Variants in WFS1 observed in about 807,000 individuals in gnomAD.
WFS1 encodes wolframin.
A neutral mutation model predicts 68.5 loss-of-function variants in WFS1; 90 were observed. That is an observed-to-expected ratio of 1.31 (90% confidence interval 1.11 to 1.56). The LOEUF is 1.56. Ranked by LOEUF, WFS1 falls within the 40% of genes most tolerant of loss-of-function variation. WFS1 has a pLI of 0.00. For missense variants in WFS1, 1,767 were observed against 1,232.6 expected (o/e 1.43, Z -6.49); for synonymous variants, 860 against 540.7 (o/e 1.59, Z -8.19).
At chr4:6,272,203 C>T (rs903962913) in intron 1 of WFS1, among the ~76,000 whole-genome samples, 1 of 152,210 alleles carries the variant, frequency 6.6e-6, no homozygotes, top group African/African-American at 2.4e-5. Context: ...AATGCTGGCC[C>T]TGGACAAGAC....
chr4:6,287,528 G>A lies in WFS1; in HGVS notation c.315+353G>A, dbSNP rs1469843083. 1.3e-5 allele frequency among the ~76,000 whole-genome samples: 2 copies of A among 152,196 alleles called. No individual in the cohort carries two copies. The highest frequency in any genetic ancestry group is 2.9e-5 in the Non-Finnish European group (2 of 68,040). On this transcript the variant is annotated intron_variant, in intron 3 of 7. Coordinates refer to ENST00000226760, the MANE Select transcript of WFS1 (RefSeq NM_006005.3). The surrounding 1 kb of genome is among the most constrained non-coding windows in gnomAD (Gnocchi z 6.4). ...GCTGCCCACTCTTGTCTCCCTGACT[G>A]GCCTTTCACCTGGCTGTTAGCTGTG...
intron 2 of WFS1, among the ~76,000 whole-genome samples, chr4:6,285,483 C>T (rs924719449): frequency 1.3e-5 from 2 of 152,168 alleles, no homozygotes; most frequent in Non-Finnish European, 2.9e-5. Context: ...TGCCTGACCA[C>T]GAGAGCTTGT....
intron 1 of WFS1, among the ~76,000 whole-genome samples, 168 bp downstream of exon 1, chr4:6,270,182 G>T (rs1330812907): frequency 6.6e-6 from 1 of 152,094 alleles, no homozygotes; most frequent in Admixed American, 6.5e-5. Context: ...AGGGCCGGGG[G>T]TCCCGCCCGC....
At chr4:6,292,095 C>A in intron 6 of WFS1, 98 bp downstream of exon 6, 1 of 1,293,562 alleles carries the variant, frequency 7.7e-7, no homozygotes, top group Non-Finnish European at 1.1e-6. Flanking sequence ...CCTGCCCTAT[C>A]TCACCCGTGC....
At chr4:6,290,690 G>A (rs1394434877) in intron 4 of WFS1, among the ~76,000 whole-genome samples, 1 of 152,162 alleles carries the variant, frequency 6.6e-6, no homozygotes, top group Non-Finnish European at 1.5e-5. Context: ...CTGACCAGCG[G>A]TAAAACCTGC....
intron 7 of WFS1, among the ~76,000 whole-genome samples, chr4:6,296,648 C>T (rs4481292): frequency 0.6 from 90,528 of 152,074 alleles, 27,703 homozygotes; most frequent in East Asian, 0.93. Context: ...CACAGGTGAA[C>T]GGGTTAACTT....
rs1485877605 is a variant in WFS1 at position 6,277,700 on chromosome 4, G to A, written c.232+13G>A. 1.9e-6 allele frequency: 3 copies of A among 1,552,474 alleles called. No homozygotes were observed. The highest frequency in any genetic ancestry group is 2.6e-6 in the Non-Finnish European group (3 of 1,148,972). Reference sequence around the variant, plus strand: ...GCAGACGGCACCGGTAAGGGAGCAGGCTGGGAAGCCCAGGCTGGGGATGTT... The same window carrying A: ...GCAGACGGCACCGGTAAGGGAGCAGACTGGGAAGCCCAGGCTGGGGATGTT... On this transcript the variant is annotated intron_variant, in intron 2 of 7. Coordinates refer to ENST00000226760, the MANE Select transcript of WFS1 (RefSeq NM_006005.3).
chr4:6,302,416 C>G lies in WFS1; in HGVS notation c.2621C>G (p.Ala874Gly), dbSNP rs201776585. 2 of 1,613,226 alleles carry G rather than the reference C, an allele frequency of 1.2e-6. No individual in the cohort carries two copies. The highest frequency in any genetic ancestry group is 1.7e-6 in the Non-Finnish European group (2 of 1,180,044). ...GACTGGCGCAGCACCGTGCATGGCGCCGTGAAGTTCGCCTTCGACTTCTTT... is the reference window on the plus strand; with the variant it reads ...GACTGGCGCAGCACCGTGCATGGCGGCGTGAAGTTCGCCTTCGACTTCTTT... ...EHDWRSTVHGAVKFAFDFFFF... is the reference protein window; with the variant it reads ...EHDWRSTVHGGVKFAFDFFFF... Residue 874 changes from alanine to glycine, a missense_variant, in exon 8 of 8, where the codon GCC becomes GGC. Physicochemically the swap from Ala to Gly is moderately conservative, Grantham distance 60. Coordinates refer to ENST00000226760, the MANE Select transcript of WFS1 (RefSeq NM_006005.3).
chr4:6,302,334 T>G lies in WFS1; in HGVS notation c.2539T>G (p.Cys847Gly). Residue 847 changes from cysteine to glycine, a missense_variant, in exon 8 of 8, where the codon TGC (cysteine) becomes GGC (glycine). Transcript: ENST00000226760. ...WPVFELKAIS[C>G]LNCMAQLSPT... ...TGTCTTCGAGCTCAAGGCCATCAGC[T>G]GCCTCAACTGCATGGCCCAGCTCTC... 1 of 1,612,604 alleles carries G rather than the reference T, an allele frequency of 6.2e-7. No homozygotes were observed. The highest frequency in any genetic ancestry group is 1.1e-5 in the South Asian group (1 of 91,082).
intron 1 of WFS1, among the ~76,000 whole-genome samples, chr4:6,274,070 G>T (rs1467650421): frequency 6.7e-6 from 1 of 150,278 alleles, no homozygotes; most frequent in Admixed American, 6.6e-5. Flanking sequence ...TTTTTGAGAC[G>T]GAGTCTCGCT....
intron 2 of WFS1, among the ~76,000 whole-genome samples, chr4:6,278,677 G>A (rs1730066145): frequency 6.6e-6 from 1 of 152,254 alleles, no homozygotes; most frequent in Non-Finnish European, 1.5e-5. Context: ...CCTCCCTGCT[G>A]TGGTCGCAGC....
At chr4:6,300,100 C>G (rs28685658) in intron 7 of WFS1, among the ~76,000 whole-genome samples, 1,989 of 152,180 alleles carry the variant, frequency 0.013, 46 homozygotes, top group African/African-American at 0.045. Context: ...GTGCTGGGCC[C>G]TCTGCCTGTG....
chr4:6,284,002 G>A (rs1328265975), intron 2 of WFS1, among the ~76,000 whole-genome samples: 1 of 152,110 alleles, frequency 6.6e-6, no homozygotes, highest in Non-Finnish European at 1.5e-5. Flanking sequence ...CATGGACTGA[G>A]CTAACTGGTC....
intron 1 of WFS1, among the ~76,000 whole-genome samples, chr4:6,275,627 AT>A (rs1302621426): frequency 6.9e-6 from 1 of 145,972 alleles, no homozygotes; most frequent in African/African-American, 2.6e-5. Context: ...TTGACCATGC[AT>A]GGTTTGCACC....
rs763084088 is a variant in WFS1, at chr4:6,277,505, C to T, written c.50C>T (p.Pro17Leu). Residue 17 changes from proline to leucine, a missense_variant, in exon 2 of 8, where the codon CCA becomes CTA. Physicochemically the swap from Pro to Leu is moderately conservative, Grantham distance 98. Transcript: ENST00000226760. ...PLGPSCPQPPPAPQPQARSRL... is the reference protein window; with the variant it reads ...PLGPSCPQPPLAPQPQARSRL... ...GGCCCCTCCTGCCCACAGCCCCCGC[C>T]AGCACCGCAGCCCCAGGCGCGTTCC... The T allele has an allele frequency of 3.8e-6, 6 of 1,578,348 alleles. No individual in the cohort carries two copies. Among genetic ancestry groups the T allele is most frequent in the African/African-American group, 1.3e-5 (1 of 74,460 alleles).
chr4:6,286,678 C>A (rs1216392219), intron 2 of WFS1, among the ~76,000 whole-genome samples: 3 of 152,184 alleles, frequency 2.0e-5, no homozygotes, highest in Admixed American at 6.5e-5. Context: ...GGGTTCTGGG[C>A]TTCGGGTACA....
rs765322804 is a variant in WFS1 at position 6,301,744 on chromosome 4, A to C, written c.1949A>C (p.Tyr650Ser). 6.2e-7 allele frequency: 1 copy of C among 1,613,790 alleles called. No individual in the cohort carries two copies. The part of the protein sequence containing the change: ...LTAIVLFCWF[Y>S]VYRSEGMKVY... The stretch of plus-strand genomic sequence containing the variant: ...GCCATCGTGCTGTTCTGCTGGTTCT[A>C]TGTGTACCGCTCAGAGGGCATGAAG... Residue 650 changes from tyrosine to serine, a missense_variant, in exon 8 of 8, where the codon TAT (tyrosine) becomes TCT (serine). Tyr to Ser is a moderately radical substitution (Grantham distance 144). Coordinates refer to ENST00000226760, the MANE Select transcript of WFS1 (RefSeq NM_006005.3).
intron 7 of WFS1, among the ~76,000 whole-genome samples, chr4:6,295,809 G>A (rs958829819): frequency 1.3e-5 from 2 of 152,216 alleles, no homozygotes; most frequent in Non-Finnish European, 2.9e-5. Context: ...CCTACTCCTG[G>A]CCTGACAGCT....
chr4:6,298,640 G>A (rs1253203078), intron 7 of WFS1, among the ~76,000 whole-genome samples: 1 of 151,686 alleles, frequency 6.6e-6, no homozygotes, highest in Non-Finnish European at 1.5e-5. Context: ...CTCAGTCTGT[G>A]TAGACATGCA....
Sources: allele counts gnomAD v4.1 joint callset (sites outside exome capture counted in the v4.1 genomes callset), GRCh38; gene constraint gnomAD v4.1.1; non-coding constraint Gnocchi (gnomAD v3.1); transcripts MANE v1.5; gene names NCBI Gene and HGNC (gene_info 2026-07-23, HGNC 2026-07-21).